RFX6: variants seen among roughly 807,000 people sequenced by gnomAD.
RFX6 encodes the protein DNA-binding protein RFX6.
RFX6 carries 50 observed loss-of-function variants against 110.8 expected under a neutral mutation model. That is an observed-to-expected ratio of 0.45 (90% confidence interval 0.36 to 0.57). The LOEUF (loss-of-function observed/expected upper bound fraction) is 0.57, where lower values mean the gene tolerates loss of function less well. RFX6 is among the 20% of genes least tolerant of loss of function. The probability of loss-of-function intolerance (pLI) is 0.00; values close to 1 mark genes in which losing one functional copy is unlikely to be tolerated. For synonymous variants in RFX6, 383 were observed against 411.2 expected (o/e 0.93, Z 0.83); for missense variants, 990 against 1,127.0 (o/e 0.88, Z 1.74).
chr6:116,890,878 T>G (rs1774815164), intron 4 of RFX6, among the ~76,000 whole-genome samples: 1 of 152,178 alleles, frequency 6.6e-6, no homozygotes, highest in Non-Finnish European at 1.5e-5. Context: ...TCCTAATGAC[T>G]GGGGACAGGA....
intron 6 of RFX6, among the ~76,000 whole-genome samples, chr6:116,899,890 G>A (rs1036237480): frequency 1.3e-5 from 2 of 151,996 alleles, no homozygotes; most frequent in Admixed American, 6.6e-5. Context: ...AAAACTGGGG[G>A]AAATATCTTC....
intron 7 of RFX6, among the ~76,000 whole-genome samples, chr6:116,915,082 TG>T (rs1319227363): frequency 1.3e-5 from 2 of 152,188 alleles, no homozygotes; most frequent in Non-Finnish European, 2.9e-5. Flanking sequence ...AGTACATAAC[TG>T]GCAACAGGTA....
intron 7 of RFX6, among the ~76,000 whole-genome samples, chr6:116,915,389 G>T (rs1299069945): frequency 6.6e-6 from 1 of 152,024 alleles, no homozygotes; most frequent in Non-Finnish European, 1.5e-5. Flanking sequence ...TATTTTATTT[G>T]ATTTTCTTAA....
rs377403941 is a variant in RFX6, at chr6:116,922,194, G to C, written c.1437+43G>C. The stretch of plus-strand genomic sequence containing the variant: ...ATTCAGAAAATAAGTTCCTTGTAAA[G>C]AGTAAATGCTAAACTGGCTATAATT... On this transcript the variant is annotated intron_variant, in intron 13 of 18. Coordinates refer to ENST00000332958, the MANE Select transcript of RFX6 (RefSeq NM_173560.4). 4 of 936,626 alleles carry C rather than the reference G, an allele frequency of 4.3e-6. No individual in the cohort carries two copies. The African/African-American group carries it at 4.9e-5, about 11-fold the overall frequency. 58.0% of individuals were successfully genotyped at this position (936,626 alleles called of 1,614,324 possible).
chr6:116,880,478 G>C, intron 2 of RFX6, 66 bp from the exon 3 acceptor site: 1 of 1,482,580 alleles, frequency 6.7e-7, no homozygotes, highest in Non-Finnish European at 9.3e-7. Context: ...TGGGTAATAA[G>C]TCAATGAGAA....
intron 12 of RFX6, among the ~76,000 whole-genome samples, chr6:116,920,691 A>T (rs1480290133): frequency 6.6e-6 from 1 of 152,126 alleles, no homozygotes; most frequent in Non-Finnish European, 1.5e-5. Flanking sequence ...TTGAAAAAAA[A>T]CCTGGTTTAT....
intron 14 of RFX6, 75 bp from the exon 15 acceptor site, chr6:116,924,594 T>C (rs1417478637): frequency 7.4e-7 from 1 of 1,351,054 alleles, no homozygotes; most frequent in Non-Finnish European, 1.1e-6. Flanking sequence ...CTGACTTCTC[T>C]TTCCCTTTCC....
rs189728277 is a variant in RFX6 at position 116,913,870 on chromosome 6, G to T, written c.781-2138G>T. Among the ~76,000 whole-genome samples the T allele has an allele frequency of 4.0e-4, 61 of 152,122 alleles. No individual in the cohort carries two copies. The East Asian group carries it at 0.011, about 27-fold the overall frequency. On this transcript the variant is annotated intron_variant, in intron 7 of 18. Coordinates refer to ENST00000332958, the MANE Select transcript of RFX6 (RefSeq NM_173560.4). ...GATAATATGCTTATATAATTTGTAC[G>T]GATAAATCAGTGTAATTGGGTTACT...
intron 4 of RFX6, among the ~76,000 whole-genome samples, chr6:116,886,618 C>A (rs1208324205): frequency 6.6e-6 from 1 of 152,160 alleles, no homozygotes; most frequent in East Asian, 1.9e-4. Context: ...CTGTTAATTA[C>A]AGTAATGTCT....
chr6:116,926,515 C>G (rs1015119916), intron 16 of RFX6, among the ~76,000 whole-genome samples: 3 of 152,050 alleles, frequency 2.0e-5, no homozygotes, highest in African/African-American at 4.8e-5. Flanking sequence ...CCTAGAAGAG[C>G]CTTATAGTTC....
At chr6:116,908,512 A>G (rs552498675) in intron 6 of RFX6, among the ~76,000 whole-genome samples, 73 of 152,082 alleles carry the variant, frequency 4.8e-4, no homozygotes, top group Non-Finnish European at 9.4e-4. Flanking sequence ...TATTCTGGCT[A>G]CAAACTCTGG....
intron 16 of RFX6, 52 bp downstream of exon 16, chr6:116,925,711 G>A: frequency 7.7e-7 from 1 of 1,306,506 alleles, no homozygotes; most frequent in Non-Finnish European, 1.1e-6. Context: ...GAAGCCTGTT[G>A]CTTCATTTTT....
chr6:116,894,405 C>CT (rs1347840193), intron 5 of RFX6, among the ~76,000 whole-genome samples: 2 of 152,064 alleles, frequency 1.3e-5, no homozygotes, highest in Admixed American at 6.6e-5. Context: ...GTAAATGTAA[C>CT]TTTTTTCTGA....
intron 5 of RFX6, among the ~76,000 whole-genome samples, chr6:116,894,657 T>TGA (rs2307843): frequency 0.39 from 58,673 of 151,802 alleles, 11,513 homozygotes; most frequent in South Asian, 0.43. Flanking sequence ...ATGAAACCAG[T>TGA]GATAACACAT....
chr6:116,917,371 G>A (rs116437601), intron 9 of RFX6, among the ~76,000 whole-genome samples: 2,057 of 146,982 alleles, frequency 0.014, 45 homozygotes, highest in African/African-American at 0.05. Flanking sequence ...GAATATGAAT[G>A]CCATTATTTA....
At chr6:116,917,070 A>G (rs1373858938) in intron 9 of RFX6, among the ~76,000 whole-genome samples, 3 of 152,158 alleles carry the variant, frequency 2.0e-5, no homozygotes, top group African/African-American at 7.2e-5. Context: ...TTAGGAAATA[A>G]AATCCTTCTA....
At chr6:116,900,280 G>T (rs919115102) in intron 6 of RFX6, among the ~76,000 whole-genome samples, 3 of 151,836 alleles carry the variant, frequency 2.0e-5, no homozygotes, top group African/African-American at 7.3e-5. Flanking sequence ...TTTTGAGATG[G>T]AGTCTTGCTC....
Position 116,881,547 on chromosome 6 carries a change from GTTC to G in RFX6, c.505-818_505-816del, listed in dbSNP as rs973066680. 3.1e-4 allele frequency among the ~76,000 whole-genome samples: 47 copies of G among 152,152 alleles called. 1 individual carries two copies. The highest frequency in any genetic ancestry group is 1.1e-3 in the African/African-American group (45 of 41,542). ...TATACATTGTAATCAGGTAACCTGG[GTTC>G]TAGCCTAGACTGGACTAATTTATTG... On this transcript the variant is annotated intron_variant, in intron 3 of 18. Transcript: ENST00000332958.
Position 116,918,017 on chromosome 6 carries a change from C to A in RFX6, c.973-20C>A, listed in dbSNP as rs1454739562. ...AATACTAAGTAAAGATTTGTATTAA[C>A]CTCTTTTGCTATGATTAAGGTTCTT... On this transcript the variant is annotated intron_variant, in intron 9 of 18. Transcript: ENST00000332958. 2 of 1,567,004 alleles carry A rather than the reference C, an allele frequency of 1.3e-6. No individual in the cohort carries two copies. The highest frequency in any genetic ancestry group is 1.8e-6 in the Non-Finnish European group (2 of 1,138,812).
Sources: gnomAD v4.1 joint callset for allele counts (sites outside exome capture counted in the v4.1 genomes callset) on GRCh38, gnomAD v4.1.1 for gene constraint, MANE v1.5 for transcripts, NCBI Gene and HGNC (gene_info 2026-07-23, HGNC 2026-07-21) for gene names.